The following RHOBTB1 variants were observed in gnomAD, a reference collection of about 807,000 sequenced individuals.
RHOBTB1 encodes the protein rho-related BTB domain-containing protein 1.
In RHOBTB1, 40 loss-of-function variants were observed where a neutral mutation model predicts 71.6. That is an observed-to-expected ratio of 0.56 (90% confidence interval 0.43 to 0.73). RHOBTB1 has a LOEUF of 0.73. Among genes scored for constraint, RHOBTB1 ranks in the 30% least tolerant of loss-of-function variants. The pLI is 0.00. For missense variants in RHOBTB1, 797 were observed against 894.0 expected, an observed-to-expected ratio of 0.89 and a Z score of 1.38; for synonymous variants, 319 against 334.9, an observed-to-expected ratio of 0.95 and a Z score of 0.52.
chr10:60,880,163 A>C (rs1477031158), intron 7 of RHOBTB1, among the ~76,000 whole-genome samples: 2 of 142,930 alleles, frequency 1.4e-5, no homozygotes, highest in Non-Finnish European at 3.1e-5. Flanking sequence ...TCCCTCACAG[A>C]TACTGAGGGA....
chr10:60,874,962 A>G lies in RHOBTB1; in HGVS notation c.1807T>C (p.Leu603=), dbSNP rs141687013. ...IDGEVLSYLE[L]AQFHNAHQLA... is the part of the protein sequence containing the mutation. ...AGCAAACTGTTACAAACCTGAGCCA[A>G]TTCCAAGTAAGAGAGCACTTCTCCG... Residue 603 remains leucine, a synonymous_variant, in exon 9 of 11, where the codon TTG becomes CTG. Coordinates refer to ENST00000337910, the MANE Select transcript of RHOBTB1 (RefSeq NM_014836.5). 10 of 1,613,164 alleles carry G rather than the reference A, an allele frequency of 6.2e-6. No individual in the cohort carries two copies. In the African/African-American group the frequency reaches 1.1e-4, roughly 17 times the overall value.
chr10:60,908,658 G>GT (rs1403576502), intron 4 of RHOBTB1, among the ~76,000 whole-genome samples: 2 of 152,144 alleles, frequency 1.3e-5, no homozygotes, highest in Non-Finnish European at 2.9e-5. Context: ...ACTTCTCTCA[G>GT]TTTTTTCCAT....
chr10:60,945,172 T>TC (rs1470789117), upstream of RHOBTB1, among the ~76,000 whole-genome samples: 1 of 152,216 alleles, frequency 6.6e-6, no homozygotes, highest in African/African-American at 2.4e-5. Flanking sequence ...CAGGGAGCTT[T>TC]CAGTCAGCCT....
chr10:60,961,895 G>A (rs190426974), intron 2 of RHOBTB1, among the ~76,000 whole-genome samples: 10 of 148,428 alleles, frequency 6.7e-5, no homozygotes, highest in East Asian at 4.0e-4. Flanking sequence ...TGCAACCTCC[G>A]CTCCTGGGTT....
intron 2 of RHOBTB1, among the ~76,000 whole-genome samples, chr10:60,919,165 G>A (rs1280636976): frequency 6.6e-6 from 1 of 152,166 alleles, no homozygotes; most frequent in African/African-American, 2.4e-5. Context: ...CAGTCTGAAT[G>A]ATGCTATTGC....
chr10:60,904,659 G>A (rs1252497932), intron 4 of RHOBTB1, among the ~76,000 whole-genome samples: 1 of 152,196 alleles, frequency 6.6e-6, no homozygotes, highest in Non-Finnish European at 1.5e-5. Context: ...TGGGGCCAGA[G>A]GACCATCTGC....
At chr10:60,871,756 T>C (rs893116596) in intron 10 of RHOBTB1, 105 bp from the exon 11 acceptor site, 1 of 1,079,190 alleles carries the variant, frequency 9.3e-7, no homozygotes, top group South Asian at 1.6e-5. Context: ...AAAAACGTGA[T>C]GCGGCAGAGA....
intron 1 of RHOBTB1, among the ~76,000 whole-genome samples, chr10:60,991,625 G>A (rs1205379139): frequency 1.3e-5 from 2 of 151,906 alleles, no homozygotes; most frequent in African/African-American, 4.8e-5. Flanking sequence ...TAGAGACGGG[G>A]TTTCACCATG....
At chr10:60,864,603 T>A (rs914821463), downstream of RHOBTB1, among the ~76,000 whole-genome samples, 1 of 152,204 alleles carries the variant, frequency 6.6e-6, no homozygotes, top group Non-Finnish European at 1.5e-5. Flanking sequence ...CACATTAATT[T>A]TTCTTTCTTT....
intron 1 of RHOBTB1, among the ~76,000 whole-genome samples, chr10:60,988,064 T>TG (rs1028865526): frequency 2.0e-5 from 3 of 151,192 alleles, no homozygotes; most frequent in African/African-American, 7.3e-5. Flanking sequence ...CCCGGGTAGC[T>TG]GGGACTACAG....
chr10:60,898,822 A>G (rs2082276722), intron 4 of RHOBTB1, among the ~76,000 whole-genome samples: 1 of 152,170 alleles, frequency 6.6e-6, no homozygotes, highest in Non-Finnish European at 1.5e-5. Context: ...CAATATTTTA[A>G]ACCAGTCTTC....
Position 60,888,536 on chromosome 10 carries a change from AC to A in RHOBTB1, c.1131del (p.Phe378SerfsTer20), listed in dbSNP as rs1391864357. The A allele has an allele frequency of 4.3e-6, 7 of 1,613,964 alleles. No homozygotes were observed. The highest frequency in any genetic ancestry group is 5.9e-6 in the Non-Finnish European group (7 of 1,180,022). On this transcript the variant is annotated frameshift_variant, in exon 6 of 11. Coordinates refer to ENST00000337910, the MANE Select transcript of RHOBTB1 (RefSeq NM_014836.5). LOFTEE classifies it high-confidence loss of function. ...ETQTLTGWSK[G>X]FIGMHREMQV... ...TGCATTTCCCTGTGCATGCCAATGA[AC>A]CCCTTACTCCATCCGGTCAAAGTCT...
intron 1 of RHOBTB1, among the ~76,000 whole-genome samples, chr10:60,997,103 A>G (rs1168174629): frequency 1.3e-5 from 2 of 149,482 alleles, no homozygotes; most frequent in Non-Finnish European, 1.5e-5. Context: ...ACACACACAC[A>G]CAGCTTTTGC....
downstream of RHOBTB1, among the ~76,000 whole-genome samples, chr10:60,866,973 G>C (rs1428547442): frequency 2.6e-5 from 4 of 152,078 alleles, no homozygotes; most frequent in South Asian, 2.1e-4. Context: ...TTTTGGCCTT[G>C]AAAACCAAGG....
chr10:60,964,951 GAAGA>G (rs1266733667), intron 2 of RHOBTB1, among the ~76,000 whole-genome samples: 2 of 152,010 alleles, frequency 1.3e-5, no homozygotes, highest in African/African-American at 4.8e-5. Flanking sequence ...AAGTCTTAAG[GAAGA>G]ATTTAAATTA....
chr10:60,877,522 A>G (rs1408550290), intron 8 of RHOBTB1, among the ~76,000 whole-genome samples: 4 of 152,204 alleles, frequency 2.6e-5, no homozygotes, highest in Non-Finnish European at 4.4e-5. Flanking sequence ...GTTTTCCTAA[A>G]CAGTGCATCT....
At chr10:60,930,948 G>GTT (rs1260665834) in intron 2 of RHOBTB1, among the ~76,000 whole-genome samples, 3 of 152,120 alleles carry the variant, frequency 2.0e-5, no homozygotes, top group East Asian at 3.9e-4. Flanking sequence ...TTTAATATGT[G>GTT]ACTATTTAAC....
chr10:60,874,597 C>T (rs545965035), intron 9 of RHOBTB1, among the ~76,000 whole-genome samples: 4 of 152,260 alleles, frequency 2.6e-5, no homozygotes, highest in African/African-American at 7.2e-5. Context: ...GGAGGCACTA[C>T]GGGGCTTCAT....
rs897746013 is a variant in RHOBTB1, at chr10:60,938,274, T to C, written c.-11+3530A>G. Among the ~76,000 whole-genome samples the C allele has an allele frequency of 3.3e-5, 5 of 152,362 alleles. No homozygotes were observed. In the South Asian group the frequency reaches 8.3e-4, roughly 25 times the overall value. On this transcript the variant is annotated intron_variant, in intron 2 of 10. Coordinates refer to ENST00000337910, the MANE Select transcript of RHOBTB1 (RefSeq NM_014836.5). ...GGTTTCAGATGTATATCATACTTGC[T>C]AGTTGTATTTCAGGCTACATTGGAA...
Sources: allele counts gnomAD v4.1 joint callset (sites outside exome capture counted in the v4.1 genomes callset), GRCh38; gene constraint gnomAD v4.1.1; transcripts MANE v1.5; gene names NCBI Gene and HGNC (gene_info 2026-07-23, HGNC 2026-07-21).